Variants in SFMBT2 observed in about 807,000 individuals in gnomAD.
The protein encoded by SFMBT2 is Scm like with four mbt domains 2.
In SFMBT2, 38 loss-of-function variants were observed where a neutral mutation model predicts 110.1. The observed-to-expected ratio is 0.35, with a 90% CI of 0.27 to 0.45. The LOEUF (loss-of-function observed/expected upper bound fraction) is 0.45. Among genes scored for constraint, SFMBT2 ranks in the 20% least tolerant of loss-of-function variants. The probability of loss-of-function intolerance (pLI) is 1.00; values close to 1 mark genes in which losing one functional copy is unlikely to be tolerated. For synonymous variants in SFMBT2, 425 were observed against 425.4 expected (o/e 1.00, Z 0.01); for missense variants, 1,011 against 1,094.9 (o/e 0.92, Z 1.08).
intron 4 of SFMBT2, among the ~76,000 whole-genome samples, chr10:7,327,198 A>G (rs1843413932): frequency 1.3e-5 from 2 of 151,888 alleles, no homozygotes; most frequent in African/African-American, 4.8e-5. Flanking sequence ...CAACAAAATA[A>G]TAAGATTGTT....
chr10:7,314,737 G>A (rs932615038), intron 4 of SFMBT2, among the ~76,000 whole-genome samples: 2 of 151,878 alleles, frequency 1.3e-5, no homozygotes, highest in African/African-American at 4.8e-5. Context: ...GTGAAACCCT[G>A]TATCTACTAA....
At chr10:7,390,106 C>G (rs1469622085) in intron 1 of SFMBT2, among the ~76,000 whole-genome samples, 4 of 152,106 alleles carry the variant, frequency 2.6e-5, no homozygotes, top group Admixed American at 6.6e-5. Context: ...TGGTCCAGTA[C>G]AGTAACCACT....
intron 2 of SFMBT2, among the ~76,000 whole-genome samples, chr10:7,376,851 T>G (rs1398639382): frequency 5.0e-4 from 16 of 32,302 alleles, no homozygotes; most frequent in South Asian, 1.7e-3. Context: ...GGGTGGACAG[T>G]GGCAAAAAAA....
intron 9 of SFMBT2, among the ~76,000 whole-genome samples, chr10:7,235,486 T>C (rs2131696665): frequency 6.6e-6 from 1 of 151,564 alleles, no homozygotes; most frequent in African/African-American, 2.4e-5. Flanking sequence ...CTGAACACCT[T>C]AACACAACTT....
At position 7,206,286 on chromosome 10, in the gene SFMBT2, T is replaced by C. The variant is rs965005471; in HGVS notation, c.1331-358A>G. On this transcript the variant is annotated intron_variant, in intron 11 of 20. Transcript: ENST00000397167. ...AGAGAGAACAAGCATCCCCCTTTCC[T>C]AAGAACAGCTCTGGGGTTAAGGGAA... 28 of 985,442 alleles carry C rather than the reference T, an allele frequency of 2.8e-5. No homozygotes were observed. The African/African-American group carries it at 4.5e-4, about 16-fold the overall frequency. 61.0% of individuals were successfully genotyped at this position (985,442 alleles called of 1,614,324 possible).
chr10:7,178,312 T>C (rs992019750), intron 16 of SFMBT2, among the ~76,000 whole-genome samples: 2 of 152,116 alleles, frequency 1.3e-5, no homozygotes, highest in African/African-American at 4.8e-5. Flanking sequence ...AACACCAATC[T>C]AGATGAAGGG....
rs533565190 is a variant in SFMBT2 at position 7,192,131 on chromosome 10, C to T, written c.1699-3398G>A. ...GAGTGTGTTCAAGTTCACACCCACC[C>T]GTAAGCCTGGCACATTATTCTTAGT... On this transcript the variant is annotated intron_variant, in intron 15 of 20. Coordinates refer to ENST00000397167, the MANE Select transcript of SFMBT2 (RefSeq NM_001387889.1). Among the ~76,000 whole-genome samples, 21 of 152,218 alleles carry T rather than the reference C, an allele frequency of 1.4e-4. No homozygotes were observed. The South Asian group carries it at 2.7e-3, about 20-fold the overall frequency.
rs1659089159 is a variant in SFMBT2 at position 7,167,188 on chromosome 10, A to T, written c.2545-3278T>A. 1.3e-5 allele frequency among the ~76,000 whole-genome samples: 2 copies of T among 152,138 alleles called. 1 individual carries two copies. Among genetic ancestry groups the T allele is most frequent in the Admixed American group, 1.3e-4 (2 of 15,266 alleles). ...GACTAAACCTATAAACTATCCTGAA[A>T]TTTTTTCATTAAGGTCAGTTGAGCA... is the stretch of plus-strand genomic sequence containing the variant. On this transcript the variant is annotated intron_variant, in intron 20 of 20. Coordinates refer to ENST00000397167, the MANE Select transcript of SFMBT2 (RefSeq NM_001387889.1).
At chr10:7,326,808 T>C (rs1168033278) in intron 4 of SFMBT2, among the ~76,000 whole-genome samples, 1 of 152,144 alleles carries the variant, frequency 6.6e-6, no homozygotes, top group Non-Finnish European at 1.5e-5. Context: ...TCATTTCAAG[T>C]CAAGCCTTTG....
At chr10:7,360,172 AAG>A (rs1412288780) in intron 4 of SFMBT2, among the ~76,000 whole-genome samples, 1 of 150,976 alleles carries the variant, frequency 6.6e-6, no homozygotes, top group African/African-American at 2.4e-5. Context: ...AAGATGACCA[AAG>A]AGAGTGTGTG....
intron 7 of SFMBT2, among the ~76,000 whole-genome samples, chr10:7,270,255 A>T (rs2131805574): frequency 6.6e-6 from 1 of 152,274 alleles, no homozygotes; most frequent in Non-Finnish European, 1.5e-5. Context: ...GCGACCCCAG[A>T]AGCCAGGGCC....
At chr10:7,290,670 T>C (rs117261460) in intron 4 of SFMBT2, among the ~76,000 whole-genome samples, 5,180 of 152,006 alleles carry the variant, frequency 0.034, 134 homozygotes, top group South Asian at 0.054. Flanking sequence ...ACCCCATCTC[T>C]ACAATTTTTT....
rs915413179 is a variant in SFMBT2 at position 7,206,374 on chromosome 10, T to G, written c.1331-446A>C. On this transcript the variant is annotated intron_variant, in intron 11 of 20. Coordinates refer to ENST00000397167, the MANE Select transcript of SFMBT2 (RefSeq NM_001387889.1). ...CTAAGCCTTCATGATATGCTCCACC[T>G]AACACCAAGTAAAGGCAACCTTCAA... 3.0e-6 allele frequency: 3 copies of G among 985,294 alleles called. No individual in the cohort carries two copies. The African/African-American group carries it at 5.2e-5, about 17-fold the overall frequency. The allele number at this position is 985,294 out of a possible 1,614,324, so 61.0% of individuals were successfully genotyped here. A position where few individuals can be genotyped will look rare whatever the true frequency, so the allele number is the denominator to read the frequency against.
intron 7 of SFMBT2, among the ~76,000 whole-genome samples, chr10:7,260,663 C>T (rs1421995805): frequency 6.6e-6 from 1 of 152,122 alleles, no homozygotes; most frequent in African/African-American, 2.4e-5. Context: ...CGGCTTACAC[C>T]ACTGGTTCTA....
chr10:7,289,990 C>A (rs1842215023), intron 4 of SFMBT2, among the ~76,000 whole-genome samples: 1 of 152,192 alleles, frequency 6.6e-6, no homozygotes. Context: ...AAGACTCCAA[C>A]TCAGCACTCT....
intron 7 of SFMBT2, 22 bp from the exon 8 acceptor site, chr10:7,248,671 T>C (rs1428846572): frequency 1.2e-6 from 2 of 1,609,190 alleles, no homozygotes; most frequent in Admixed American, 1.7e-5. Flanking sequence ...AAGATGAAAA[T>C]ATTGAAAGCC....
chr10:7,167,906 T>C, intron 20 of SFMBT2, among the ~76,000 whole-genome samples: 1 of 152,086 alleles, frequency 6.6e-6, no homozygotes, highest in East Asian at 1.9e-4. Flanking sequence ...CAGAACTCTG[T>C]CTAGTACAAA....
intron 4 of SFMBT2, among the ~76,000 whole-genome samples, chr10:7,320,341 T>C (rs1053955144): frequency 2.0e-5 from 3 of 152,208 alleles, no homozygotes; most frequent in African/African-American, 7.2e-5. Flanking sequence ...TTCTCTACCA[T>C]CTTGCCCCGC....
At chr10:7,318,505 T>C (rs752091064) in intron 4 of SFMBT2, among the ~76,000 whole-genome samples, 4 of 152,228 alleles carry the variant, frequency 2.6e-5, no homozygotes, top group Admixed American at 6.5e-5. Context: ...ACCTGGCACC[T>C]GGGCTCAATC....
Sources: gnomAD v4.1 joint callset for allele counts (sites outside exome capture counted in the v4.1 genomes callset) on GRCh38, gnomAD v4.1.1 for gene constraint, MANE v1.5 for transcripts, NCBI Gene and HGNC (gene_info 2026-07-23, HGNC 2026-07-21) for gene names.